SLC25A27: variants seen among roughly 807,000 people sequenced by gnomAD.
The protein encoded by SLC25A27 is solute carrier family 25 member 27.
In SLC25A27, 35 loss-of-function variants were observed where a neutral mutation model predicts 49.1. The observed-to-expected ratio is 0.71, with a 90% CI of 0.54 to 0.95. The LOEUF is 0.95. Among genes scored for constraint, SLC25A27 ranks in the 40% least tolerant of loss-of-function variants. The pLI is 0.00. For missense variants in SLC25A27, 339 were observed against 397.1 expected (o/e 0.85, Z 1.24); for synonymous variants, 144 against 136.9 (o/e 1.05, Z -0.36).
At chr6:46,659,139 C>T in intron 3 of SLC25A27, 93 bp downstream of exon 3, 1 of 820,304 alleles carries the variant, frequency 1.2e-6, no homozygotes, top group Non-Finnish European at 2.0e-6. Flanking sequence ...CCCAAATTGC[C>T]TTAAGTTATG....
chr6:46,658,009 A>G (rs1763042481), intron 2 of SLC25A27, among the ~76,000 whole-genome samples: 1 of 152,238 alleles, frequency 6.6e-6, no homozygotes, highest in African/African-American at 2.4e-5. Context: ...ACAGGAGAAT[A>G]TAAAGTTGGC....
chr6:46,675,093 T>C (rs1763717531), intron 8 of SLC25A27, among the ~76,000 whole-genome samples: 1 of 152,146 alleles, frequency 6.6e-6, no homozygotes, highest in African/African-American at 2.4e-5. Context: ...CACCCACATT[T>C]TTGGCTATAT....
At chr6:46,662,917 C>A (rs941981013) in intron 4 of SLC25A27, among the ~76,000 whole-genome samples, 1 of 152,164 alleles carries the variant, frequency 6.6e-6, no homozygotes, top group African/African-American at 2.4e-5. Flanking sequence ...GGTTAACATG[C>A]CTGACTGCTC....
At position 46,671,172 on chromosome 6, in the gene SLC25A27, C is replaced by G. The variant is rs1582514793; in HGVS notation, c.844C>G (p.Gln282Glu). ...SSTDCLIQAV[Q>E]GEGFMSLYKG... ...GACTGACTGCTTGATTCAGGCTGTT[C>G]AAGGTGAAGGATTCATGAGTCTATA... Residue 282 changes from glutamine to glutamate, a missense_variant, in exon 8 of 9, where the codon CAA becomes GAA. Transcript: ENST00000371347. 1 of 1,602,782 alleles carries G rather than the reference C, an allele frequency of 6.2e-7. No individual in the cohort carries two copies. Among genetic ancestry groups the G allele is most frequent in the Non-Finnish European group, 8.5e-7 (1 of 1,175,486 alleles).
chr6:46,671,281 T>A, intron 8 of SLC25A27, 53 bp downstream of exon 8: 2 of 1,059,682 alleles, frequency 1.9e-6, no homozygotes, highest in Non-Finnish European at 2.8e-6. Context: ...AAATTACTTT[T>A]AATTTATAAG....
intron 2 of SLC25A27, chr6:46,658,349 T>G (rs551118930): frequency 5.9e-4 from 134 of 225,500 alleles, no homozygotes; most frequent in Non-Finnish European, 1.1e-3. Context: ...TTTAAAAATA[T>G]TTTCTGCTTT....
intron 5 of SLC25A27, among the ~76,000 whole-genome samples, chr6:46,668,161 A>G (rs1301060895): frequency 6.6e-6 from 1 of 152,132 alleles, no homozygotes; most frequent in African/African-American, 2.4e-5. Context: ...CCTGGGTAAT[A>G]TAGTAAAACC....
intron 4 of SLC25A27, among the ~76,000 whole-genome samples, chr6:46,664,563 T>G (rs1156283438): frequency 6.6e-6 from 1 of 152,228 alleles, no homozygotes; most frequent in African/African-American, 2.4e-5. Flanking sequence ...TTAAAAATAT[T>G]TAAGTCAAAT....
At chr6:46,658,030 G>T (rs959302126) in intron 2 of SLC25A27, among the ~76,000 whole-genome samples, 1 of 152,248 alleles carries the variant, frequency 6.6e-6, no homozygotes, top group Admixed American at 6.5e-5. Context: ...TTCAAAGGAG[G>T]TAGGATAGGT....
At chr6:46,673,768 C>T (rs1003122961) in intron 8 of SLC25A27, among the ~76,000 whole-genome samples, 1 of 152,110 alleles carries the variant, frequency 6.6e-6, no homozygotes, top group African/African-American at 2.4e-5. Context: ...TTTAGATGAA[C>T]TCTATGGAGC....
chr6:46,653,104 A>T lies in SLC25A27; in HGVS notation c.-89A>T. The T allele has an allele frequency of 7.8e-7, 1 of 1,285,736 alleles. No homozygotes were observed. Among genetic ancestry groups the T allele is most frequent in the Non-Finnish European group, 1.1e-6 (1 of 906,204 alleles). The allele number at this position is 1,285,736 out of a possible 1,614,324, so 79.6% of individuals were successfully genotyped here. On this transcript the variant is annotated 5_prime_UTR_variant, in exon 1 of 9. In the 5' UTR this introduces an upstream ATG that the reference lacks. Coordinates refer to ENST00000371347, the MANE Select transcript of SLC25A27 (RefSeq NM_004277.5). ...TCACCCGGCCACTCGCCGGTTGAAA[A>T]GGGGCCGCCCTGGCAGGGAAGCGGC...
At chr6:46,671,407 C>G (rs959412892) in intron 8 of SLC25A27, among the ~76,000 whole-genome samples, 179 bp downstream of exon 8, 4 of 151,982 alleles carry the variant, frequency 2.6e-5, no homozygotes, top group African/African-American at 9.7e-5. Flanking sequence ...AGTTATCTTG[C>G]CTTCTGTGGT....
chr6:46,676,322 A>C, intron 8 of SLC25A27, 61 bp from the exon 9 acceptor site: 1 of 1,475,178 alleles, frequency 6.8e-7, no homozygotes, highest in Non-Finnish European at 9.4e-7. Context: ...ATGTATGCAC[A>C]TATGTAGACT....
At position 46,653,184 on chromosome 6, in the gene SLC25A27, T is replaced by C. The variant is rs1762814565; in HGVS notation, c.-9T>C. 4.3e-6 allele frequency: 7 copies of C among 1,611,510 alleles called. No homozygotes were observed. Among genetic ancestry groups the C allele is most frequent in the African/African-American group, 1.3e-5 (1 of 74,870 alleles). On this transcript the variant is annotated 5_prime_UTR_variant, in exon 1 of 9. Coordinates refer to ENST00000371347, the MANE Select transcript of SLC25A27 (RefSeq NM_004277.5). ...GAAGGAGTGCGTTATCGTCTTGCGC[T>C]ACTGCTGAATGTCCGTCCCGGAGGA...
chr6:46,657,716 T>A (rs917599957), intron 2 of SLC25A27, among the ~76,000 whole-genome samples: 7 of 152,210 alleles, frequency 4.6e-5, no homozygotes, highest in Non-Finnish European at 8.8e-5. Flanking sequence ...TTTTGAAAAT[T>A]AACATATATT....
chr6:46,668,795 TA>T lies in SLC25A27; in HGVS notation c.704+4del. The T allele has an allele frequency of 6.4e-7, 1 of 1,566,130 alleles. No individual in the cohort carries two copies. The highest frequency in any genetic ancestry group is 8.8e-7 in the Non-Finnish European group (1 of 1,139,346). On this transcript the variant is annotated splice_donor_region_variant and intron_variant, in intron 6 of 8. Coordinates refer to ENST00000371347, the MANE Select transcript of SLC25A27 (RefSeq NM_004277.5). ...TATCATGACTCACGGTTTATCAAGG[TA>T]AGGATTGTTTTAGTTGGACTCTGTT...
intron 2 of SLC25A27, among the ~76,000 whole-genome samples, chr6:46,657,656 A>G (rs1435469146): frequency 1.3e-5 from 2 of 152,110 alleles, no homozygotes; most frequent in African/African-American, 2.4e-5. Flanking sequence ...GCTGATTATC[A>G]TTTTTCTTCA....
Position 46,671,126 on chromosome 6 carries a change from G to A in SLC25A27, c.798G>A (p.Arg266=). The A allele has an allele frequency of 6.3e-7, 1 of 1,579,654 alleles. No homozygotes were observed. Among genetic ancestry groups the A allele is most frequent in the Non-Finnish European group, 8.6e-7 (1 of 1,161,568 alleles). ...IMNQPRDKQG[R]GLLYKSSTDC... ...TAAAAGGATCTTGTTTCCTTTTTAG[G>A]GGACTTTTGTATAAATCATCGACTG... is the stretch of plus-strand genomic sequence containing the variant. The change falls in exon 8 of 9, where the codon AGG becomes AGA. Residue 266 remains arginine, a splice_region_variant and synonymous_variant. Transcript: ENST00000371347.
chr6:46,664,790 C>CTCGGTGGTCGCCGT lies in SLC25A27; in HGVS notation c.523_524insTCGGTGGTCGCCGT (p.His175LeufsTer12). The stretch of plus-strand genomic sequence containing the variant: ...TCTCCTTAGATTTCGTGGTGTACAT[C>CTCGGTGGTCGCCGT]ATGCATTTGCAAAAATCTTAGCTGA... On this transcript the variant is annotated frameshift_variant, in exon 5 of 9. Transcript: ENST00000371347. LOFTEE classifies it high-confidence loss of function. 6.2e-7 allele frequency: 1 copy of CTCGGTGGTCGCCGT among 1,602,436 alleles called. No homozygotes were observed. Among genetic ancestry groups the CTCGGTGGTCGCCGT allele is most frequent in the Non-Finnish European group, 8.5e-7 (1 of 1,172,864 alleles).
Sources: allele counts gnomAD v4.1 joint callset (sites outside exome capture counted in the v4.1 genomes callset), GRCh38; gene constraint gnomAD v4.1.1; transcripts MANE v1.5; gene names NCBI Gene and HGNC (gene_info 2026-07-23, HGNC 2026-07-21).